FXR1: variants seen among roughly 807,000 people sequenced by gnomAD.
FXR1 encodes RNA-binding protein FXR1.
In FXR1, 15 loss-of-function variants were observed where a neutral mutation model predicts 84.0. That is an observed-to-expected ratio of 0.18 (90% CI 0.12 to 0.27). The LOEUF (loss-of-function observed/expected upper bound fraction) is 0.27, where lower values mean the gene tolerates loss of function less well. Among genes scored for constraint, FXR1 ranks in the 10% least tolerant of loss-of-function variants. The probability of loss-of-function intolerance (pLI) is 1.00; values close to 1 mark genes in which losing one functional copy is unlikely to be tolerated. For synonymous variants in FXR1, 245 were observed against 250.7 expected (o/e 0.98, Z 0.21); for missense variants, 480 against 774.4 (o/e 0.62, Z 4.51).
intron 3 of FXR1, among the ~76,000 whole-genome samples, chr3:180,945,478 C>T (rs1721601787): frequency 6.6e-6 from 1 of 152,166 alleles, no homozygotes; most frequent in Non-Finnish European, 1.5e-5. Flanking sequence ...AATCTTGGCT[C>T]ACTGCAGTCT....
In FXR1 at chr3:180,970,562, G is replaced by A. The variant is rs150545417; in HGVS notation, c.1603+204G>A. 3 of 165,746 alleles carry A rather than the reference G, an allele frequency of 1.8e-5. No individual in the cohort carries two copies. The East Asian group carries it at 4.9e-4, about 27-fold the overall frequency. 10.3% of individuals were successfully genotyped at this position (165,746 alleles called of 1,614,324 possible). A position where few individuals can be genotyped will look rare whatever the true frequency, so the allele number is the denominator to read the frequency against. ...ATGTTTAGTTCTCAGATTTGTTATA[G>A]CCAAATTATTTGAAACTTGGAGGGT... On this transcript the variant is annotated intron_variant, in intron 15 of 16. Transcript: ENST00000357559.
chr3:180,926,493 TATATATA>T (rs1719203385), intron 1 of FXR1, among the ~76,000 whole-genome samples: 2 of 104,534 alleles, frequency 1.9e-5, no homozygotes, highest in African/African-American at 5.3e-5. Context: ...TATATATATA[TATATATA>T]TATATATTTT....
chr3:180,948,287 C>T (rs1206652463), intron 4 of FXR1, 60 bp from the exon 5 acceptor site: 2 of 1,265,150 alleles, frequency 1.6e-6, no homozygotes, highest in African/African-American at 1.5e-5. Flanking sequence ...ATTAGAACTT[C>T]ATTTAAACTT....
rs768866451 is a variant in FXR1, at chr3:180,970,287, C to T, written c.1532C>T (p.Thr511Ile). 6 of 1,605,028 alleles carry T rather than the reference C, an allele frequency of 3.7e-6. No homozygotes were observed. The highest frequency in any genetic ancestry group is 5.1e-6 in the Non-Finnish European group (6 of 1,173,244). ...NRRRRSRRRR[T>I]DEDAVLMDGM... Reference sequence around the variant, plus strand: ...CGTAGGCGGTCTCGTAGACGAAGGACTGATGAAGATGCTGTTCTGATGGAT... The same window carrying T: ...CGTAGGCGGTCTCGTAGACGAAGGATTGATGAAGATGCTGTTCTGATGGAT... Residue 511 changes from threonine to isoleucine, a missense_variant, in exon 15 of 17, where the codon ACT (threonine) becomes ATT (isoleucine). Thr to Ile is a moderately conservative substitution (Grantham distance 89). Transcript: ENST00000357559.
chr3:180,969,956 A>G (rs1168072740), intron 14 of FXR1, among the ~76,000 whole-genome samples: 1 of 152,172 alleles, frequency 6.6e-6, no homozygotes, highest in Non-Finnish European at 1.5e-5. Context: ...TTAATTTTTC[A>G]TCACCACTTA....
Position 180,917,520 on chromosome 3 carries a change from T to C in FXR1, c.51+4784T>C, listed in dbSNP as rs557136007. Reference sequence around the variant, plus strand: ...TAATTTTCATTAAAATGCTAAGTAATGAAGATTTAACTGGATGTCAAAATA... The same window carrying C: ...TAATTTTCATTAAAATGCTAAGTAACGAAGATTTAACTGGATGTCAAAATA... On this transcript the variant is annotated intron_variant, in intron 1 of 16. Transcript: ENST00000357559. Among the ~76,000 whole-genome samples the C allele has an allele frequency of 3.3e-5, 5 of 152,320 alleles. No homozygotes were observed. In the East Asian group the frequency reaches 9.7e-4, roughly 29 times the overall value.
In FXR1 at chr3:180,948,575, C is replaced by T. The variant is rs917189297; in HGVS notation, c.419+80C>T. 7 of 1,089,196 alleles carry T rather than the reference C, an allele frequency of 6.4e-6. 1 individual carries two copies. The highest frequency in any genetic ancestry group is 5.7e-5 in the South Asian group (4 of 69,652). The allele number at this position is 1,089,196 out of a possible 1,614,324, so 67.5% of individuals were successfully genotyped here. A position where few individuals can be genotyped will look rare whatever the true frequency, so the allele number is the denominator to read the frequency against. On this transcript the variant is annotated intron_variant, in intron 5 of 16. Transcript: ENST00000357559. ...TCCTACAAAACATTTTCCCTAATGC[C>T]CAATCAAACCTTCTGATGGAAAATC...
intron 14 of FXR1, among the ~76,000 whole-genome samples, chr3:180,968,739 T>C (rs1308574088): frequency 6.6e-6 from 1 of 152,158 alleles, no homozygotes; most frequent in Non-Finnish European, 1.5e-5. Flanking sequence ...TTTTTAATTG[T>C]TGGAGGAACT....
intron 7 of FXR1, among the ~76,000 whole-genome samples, chr3:180,950,656 C>A (rs900534236): frequency 1.3e-5 from 2 of 152,142 alleles, no homozygotes; most frequent in Non-Finnish European, 2.9e-5. Flanking sequence ...CTTTCCACAG[C>A]CCCTGACAAC....
At chr3:180,938,537 G>A (rs1720778656) in intron 3 of FXR1, among the ~76,000 whole-genome samples, 1 of 151,990 alleles carries the variant, frequency 6.6e-6, no homozygotes, top group Non-Finnish European at 1.5e-5. Context: ...TTATGGCTGA[G>A]TTTTATTTTT....
intron 1 of FXR1, among the ~76,000 whole-genome samples, chr3:180,922,948 C>G (rs184460055): frequency 1.3e-5 from 2 of 152,178 alleles, no homozygotes; most frequent in East Asian, 3.9e-4. Context: ...TCTTATATTG[C>G]TGGTCATAGT....
chr3:180,957,706 C>T (rs1302586812), intron 9 of FXR1, 113 bp from the exon 10 acceptor site: 1 of 568,678 alleles, frequency 1.8e-6, no homozygotes, highest in Non-Finnish European at 3.2e-6. Context: ...AAGATGGGAG[C>T]TTCACTTGAT....
chr3:180,925,477 AAC>A (rs1719064147), intron 1 of FXR1, among the ~76,000 whole-genome samples: 1 of 152,030 alleles, frequency 6.6e-6, no homozygotes, highest in African/African-American at 2.4e-5. Flanking sequence ...GGTGTTAACA[AAC>A]AAACATTTTG....
intron 1 of FXR1, among the ~76,000 whole-genome samples, chr3:180,916,269 C>G (rs952974187): frequency 6.6e-6 from 1 of 152,198 alleles, no homozygotes; most frequent in African/African-American, 2.4e-5. Flanking sequence ...TCAGAACGTT[C>G]CATTACCCCA....
intron 1 of FXR1, among the ~76,000 whole-genome samples, chr3:180,913,537 C>A (rs1195357713): frequency 6.6e-6 from 1 of 151,950 alleles, no homozygotes; most frequent in South Asian, 2.1e-4. Flanking sequence ...TTTTCTCCCA[C>A]GAGGTTTTTT....
chr3:180,959,317 C>T (rs1361430367), intron 10 of FXR1, among the ~76,000 whole-genome samples: 1 of 150,072 alleles, frequency 6.7e-6, no homozygotes, highest in African/African-American at 2.4e-5. Flanking sequence ...ATCATTAATG[C>T]TGTACAATGA....
At chr3:180,924,805 A>G (rs1718979434) in intron 1 of FXR1, among the ~76,000 whole-genome samples, 1 of 152,214 alleles carries the variant, frequency 6.6e-6, no homozygotes, top group Non-Finnish European at 1.5e-5. Context: ...ATGCAATTTC[A>G]TTATACCTAA....
intron 1 of FXR1, among the ~76,000 whole-genome samples, chr3:180,921,642 C>G (rs1464275206): frequency 1.3e-5 from 2 of 152,030 alleles, no homozygotes; most frequent in East Asian, 3.9e-4. Context: ...AAGTTTATAT[C>G]TTATAAATTT....
In FXR1 at chr3:180,982,147, T is replaced by TA. The variant is rs1216402824; in HGVS notation, c.*5856dup. 6.6e-6 allele frequency: 1 copy of TA among 152,046 alleles called. No individual in the cohort carries two copies. The highest frequency in any genetic ancestry group is 6.6e-5 in the Admixed American group (1 of 15,252). 9.4% of individuals were successfully genotyped at this position (152,046 alleles called of 1,614,324 possible). On this transcript the variant is annotated 3_prime_UTR_variant, in exon 17 of 17. Coordinates refer to ENST00000357559, the MANE Select transcript of FXR1 (RefSeq NM_005087.4). ...GCATGTTGCCTTGGCTGCTTAACCTTACTAAACTTCCATTTCCTCACATGT... is the reference window on the plus strand; with the variant it reads ...GCATGTTGCCTTGGCTGCTTAACCTTAACTAAACTTCCATTTCCTCACATGT...
Sources: gnomAD v4.1 joint callset for allele counts (sites outside exome capture counted in the v4.1 genomes callset) on GRCh38, gnomAD v4.1.1 for gene constraint, MANE v1.5 for transcripts, NCBI Gene and HGNC (gene_info 2026-07-23, HGNC 2026-07-21) for gene names.